Variants in VTI1A observed in about 807,000 individuals in gnomAD.
VTI1A encodes vesicle transport through interaction with t-SNAREs homolog 1A.
Under a neutral mutation model 34.9 loss-of-function variants are expected in VTI1A, and 22 were observed. That is an observed-to-expected ratio of 0.63 (90% confidence interval 0.45 to 0.90). VTI1A has a LOEUF of 0.90. Among genes scored for constraint, VTI1A ranks in the 40% least tolerant of loss-of-function variants. The probability of loss-of-function intolerance (pLI) is 0.00; values close to 1 mark genes in which losing one functional copy is unlikely to be tolerated. For missense variants in VTI1A, 268 were observed against 275.6 expected (o/e 0.97, Z 0.20); for synonymous variants, 87 against 97.3 (o/e 0.89, Z 0.62).
chr10:112,556,810 A>C (rs537592018), intron 5 of VTI1A, among the ~76,000 whole-genome samples: 16 of 152,166 alleles, frequency 1.1e-4, no homozygotes, highest in African/African-American at 3.8e-4. Flanking sequence ...GGCCTGTAGA[A>C]ATAAACCTTC....
chr10:112,447,116 A>C, upstream of VTI1A: 1 of 498,708 alleles, frequency 2.0e-6, no homozygotes, highest in Non-Finnish European at 3.7e-6. Flanking sequence ...GGGAGGCACT[A>C]ATTGGGGCGC....
chr10:112,539,093 C>G (rs1200594760), intron 5 of VTI1A, among the ~76,000 whole-genome samples: 1 of 152,186 alleles, frequency 6.6e-6, no homozygotes, highest in Admixed American at 6.5e-5. Flanking sequence ...TAGTAGTCAT[C>G]AGTTTCTTAC....
At chr10:112,739,518 A>G (rs1850616940) in intron 7 of VTI1A, among the ~76,000 whole-genome samples, 1 of 152,222 alleles carries the variant, frequency 6.6e-6, no homozygotes, top group Admixed American at 6.5e-5. Flanking sequence ...AAGAGACTTA[A>G]CAGATGAAAT....
intron 3 of VTI1A, among the ~76,000 whole-genome samples, chr10:112,505,617 A>G (rs551907654): frequency 6.6e-6 from 1 of 151,662 alleles, no homozygotes; most frequent in South Asian, 2.1e-4. Flanking sequence ...AAACTATGTT[A>G]TATGCTTGTT....
At chr10:112,573,549 T>A (rs1386137711) in intron 5 of VTI1A, among the ~76,000 whole-genome samples, 1 of 152,220 alleles carries the variant, frequency 6.6e-6, no homozygotes, top group African/African-American at 2.4e-5. Flanking sequence ...CTATCCTACT[T>A]ACCTGGGAGG....
intron 5 of VTI1A, among the ~76,000 whole-genome samples, chr10:112,554,072 A>T (rs2134307845): frequency 6.6e-6 from 1 of 152,332 alleles, no homozygotes; most frequent in East Asian, 1.9e-4. Context: ...CCATATTAAT[A>T]GATACATTAA....
At chr10:112,824,869 CAG>C in the VTI1A span, 1 of 152,244 alleles carries the variant, frequency 6.6e-6, no homozygotes, top group South Asian at 2.1e-4. Context: ...CCTTCCATGG[CAG>C]TGCAAAGGGA....
At chr10:112,707,629 G>A (rs1849248599) in intron 7 of VTI1A, among the ~76,000 whole-genome samples, 1 of 152,146 alleles carries the variant, frequency 6.6e-6, no homozygotes, top group African/African-American at 2.4e-5. Context: ...ACCTTGCCCA[G>A]CTATTGAACT....
At chr10:112,572,091 A>G (rs1852146840) in intron 5 of VTI1A, among the ~76,000 whole-genome samples, 1 of 152,154 alleles carries the variant, frequency 6.6e-6, no homozygotes, top group Admixed American at 6.5e-5. Context: ...CACACCATAT[A>G]CTAATGTAAC....
chr10:112,813,973 G>A (rs992897695), intron 7 of VTI1A, among the ~76,000 whole-genome samples: 26 of 152,196 alleles, frequency 1.7e-4, no homozygotes, highest in African/African-American at 5.6e-4. Flanking sequence ...CTTTTAGGGG[G>A]CCACGAGGGA....
intron 7 of VTI1A, among the ~76,000 whole-genome samples, chr10:112,708,945 C>T (rs1849299255): frequency 6.6e-6 from 1 of 152,212 alleles, no homozygotes; most frequent in Non-Finnish European, 1.5e-5. Context: ...GGGTGGAAAC[C>T]CATAGCTGGC....
At chr10:112,678,559 G>A (rs1383901070) in intron 7 of VTI1A, among the ~76,000 whole-genome samples, 1 of 152,112 alleles carries the variant, frequency 6.6e-6, no homozygotes, top group South Asian at 2.1e-4. Context: ...TTTATAAATC[G>A]AGAGTTAGGG....
chr10:112,588,994 T>C (rs949410350), intron 5 of VTI1A, among the ~76,000 whole-genome samples: 1 of 149,564 alleles, frequency 6.7e-6, no homozygotes, highest in African/African-American at 2.5e-5. Context: ...ATTCCCTACA[T>C]ATTTCAACAC....
Position 112,668,304 on chromosome 10 carries a change from AC to A in VTI1A, c.498+17del, listed in dbSNP as rs1322915713. ...ACGTGAAAGAGTAAGTACAATTGAT[AC>A]AGTTTTTTCACATATTCAGTAAATG... On this transcript the variant is annotated intron_variant, in intron 6 of 7. Coordinates refer to ENST00000393077, the MANE Select transcript of VTI1A (RefSeq NM_145206.4). 1 of 1,610,310 alleles carries A rather than the reference AC, an allele frequency of 6.2e-7. No individual in the cohort carries two copies. The highest frequency in any genetic ancestry group is 8.5e-7 in the Non-Finnish European group (1 of 1,177,718).
Position 112,714,569 on chromosome 10 carries a change from C to T in VTI1A, c.560+45571C>T, listed in dbSNP as rs547878725. 2.0e-5 allele frequency among the ~76,000 whole-genome samples: 3 copies of T among 152,272 alleles called. No individual in the cohort carries two copies. The East Asian group carries it at 5.8e-4, about 29-fold the overall frequency. Reference sequence around the variant, plus strand: ...TGAGCTGGGTAGTTTTCCCTTAACTCGGTTGTTTTTTCCCAAAAGAACAAA... The same window carrying T: ...TGAGCTGGGTAGTTTTCCCTTAACTTGGTTGTTTTTTCCCAAAAGAACAAA... On this transcript the variant is annotated intron_variant, in intron 7 of 7. Coordinates refer to ENST00000393077, the MANE Select transcript of VTI1A (RefSeq NM_145206.4).
At chr10:112,548,918 C>A in intron 5 of VTI1A, 1 of 921,334 alleles carries the variant, frequency 1.1e-6, no homozygotes, top group Non-Finnish European at 1.7e-6. Context: ...CATCCACTGA[C>A]ATTTTCTTCT....
chr10:112,555,296 A>G (rs1851505724), intron 5 of VTI1A, among the ~76,000 whole-genome samples: 1 of 152,152 alleles, frequency 6.6e-6, no homozygotes, highest in African/African-American at 2.4e-5. Context: ...GAGAGATTCC[A>G]TATGTCAATA....
rs148783890 is a variant in VTI1A at position 112,737,858 on chromosome 10, T to C, written c.560+68860T>C. 319 of 1,061,492 alleles carry C rather than the reference T, an allele frequency of 3.0e-4. 1 individual carries two copies. The African/African-American group carries it at 5.0e-3, about 17-fold the overall frequency. 65.8% of individuals were successfully genotyped at this position (1,061,492 alleles called of 1,614,324 possible). Reference sequence around the variant, plus strand: ...TTCTGCTTTTCCTGTTTATCGTTGGTTTGATAGCTGAGCCGTAGGATCGAT... The same window carrying C: ...TTCTGCTTTTCCTGTTTATCGTTGGCTTGATAGCTGAGCCGTAGGATCGAT... On this transcript the variant is annotated intron_variant, in intron 7 of 7. Transcript: ENST00000393077.
At chr10:112,609,109 CTTATT>C (rs886516828) in intron 5 of VTI1A, among the ~76,000 whole-genome samples, 8 of 152,058 alleles carry the variant, frequency 5.3e-5, no homozygotes, top group Non-Finnish European at 1.5e-5. Flanking sequence ...TTTGGTGAAT[CTTATT>C]TTATTTCTAT....
Sources: allele counts gnomAD v4.1 joint callset (sites outside exome capture counted in the v4.1 genomes callset), GRCh38; gene constraint gnomAD v4.1.1; transcripts MANE v1.5; gene names NCBI Gene and HGNC (gene_info 2026-07-23, HGNC 2026-07-21).